The following EIF4G3 variants were observed in gnomAD, a reference collection of about 807,000 sequenced individuals.
EIF4G3 encodes eukaryotic translation initiation factor 4 gamma 3.
A neutral mutation model predicts 186.4 loss-of-function variants in EIF4G3; 34 were observed. The ratio of observed to expected loss-of-function variants is 0.18; its 90% CI spans 0.14 to 0.24. The LOEUF is 0.24. Ranked by LOEUF, EIF4G3 falls within the 10% of genes least tolerant of loss-of-function variation. The pLI is 1.00. For missense variants in EIF4G3, 1,536 were observed against 1,948.5 expected (o/e 0.79, Z 3.99); for synonymous variants, 673 against 679.5 (o/e 0.99, Z 0.15).
chr1:21,099,947 A>G (rs1031940606), intron 2 of EIF4G3, among the ~76,000 whole-genome samples: 1 of 152,210 alleles, frequency 6.6e-6, no homozygotes, highest in Admixed American at 6.5e-5. Context: ...TATATATAAT[A>G]GCAAAAAAGT....
chr1:20,810,418 T>C lies in EIF4G3; in HGVS notation c.4744+320A>G, dbSNP rs2059014258. 6.6e-6 allele frequency among the ~76,000 whole-genome samples: 1 copy of C among 152,148 alleles called. No homozygotes were observed. The highest frequency in any genetic ancestry group is 2.1e-4 in the South Asian group (1 of 4,832). ...ATCCATCTGCCTCGGCCTCCCAAAG[T>C]GCTGGGATTACAGGTGTGAGCCACC... is the stretch of plus-strand genomic sequence containing the variant. On this transcript the variant is annotated intron_variant, in intron 36 of 36. Transcript: ENST00000602326. This position sits in a 1 kb window ranked among gnomAD's most constrained non-coding sequence, Gnocchi z 4.1.
chr1:20,933,048 G>A (rs569629525), intron 14 of EIF4G3, among the ~76,000 whole-genome samples: 3 of 152,240 alleles, frequency 2.0e-5, no homozygotes, highest in Non-Finnish European at 2.9e-5. Context: ...TGTAGCTGAC[G>A]ATGCAGAGGT....
intron 18 of EIF4G3, 100 bp from the exon 19 acceptor site, chr1:20,886,471 T>C: frequency 1.1e-5 from 13 of 1,175,208 alleles, no homozygotes; most frequent in Non-Finnish European, 1.5e-5. Context: ...CAATGCTAGA[T>C]GCAAAGATTG....
chr1:21,015,083 GA>G (rs2088527745), intron 4 of EIF4G3, among the ~76,000 whole-genome samples: 1 of 148,876 alleles, frequency 6.7e-6, no homozygotes, highest in Non-Finnish European at 1.5e-5. Flanking sequence ...AAAAAAAAAG[GA>G]GGGGGGGAAG....
At chr1:20,828,945 C>T (rs1465763780) in intron 31 of EIF4G3, among the ~76,000 whole-genome samples, 1 of 152,144 alleles carries the variant, frequency 6.6e-6, no homozygotes, top group East Asian at 1.9e-4. Context: ...GACCACAGGG[C>T]TATCATATCC....
At chr1:20,935,818 G>A (rs1295028859) in intron 14 of EIF4G3, among the ~76,000 whole-genome samples, 2 of 152,166 alleles carry the variant, frequency 1.3e-5, no homozygotes, top group East Asian at 3.9e-4. Flanking sequence ...TTCCTGTAGA[G>A]GTTTTCTTTA....
chr1:21,165,635 A>C (rs916428578), intron 2 of EIF4G3, among the ~76,000 whole-genome samples: 1 of 152,224 alleles, frequency 6.6e-6, no homozygotes, highest in Non-Finnish European at 1.5e-5. Flanking sequence ...AGATATATAG[A>C]GGCAGAAAAT....
chr1:21,122,914 G>A (rs1373944917), intron 2 of EIF4G3, among the ~76,000 whole-genome samples: 2 of 152,152 alleles, frequency 1.3e-5, no homozygotes, highest in Non-Finnish European at 2.9e-5. Context: ...ACAGAAGCTA[G>A]AGAAAAGTTA....
intron 4 of EIF4G3, among the ~76,000 whole-genome samples, chr1:21,017,416 C>A (rs939713892): frequency 2.0e-5 from 3 of 151,974 alleles, no homozygotes; most frequent in African/African-American, 7.2e-5. Flanking sequence ...ATCACGAGGT[C>A]AAGAGATCGA....
rs1206110411 is a variant in EIF4G3 at position 21,119,066 on chromosome 1, T to C, written c.-271-29853A>G. On this transcript the variant is annotated intron_variant, in intron 2 of 36. Coordinates refer to ENST00000602326, the MANE Select transcript of EIF4G3 (RefSeq NM_001391906.1). Reference sequence around the variant, plus strand: ...AACTCCATGACTGAGATTTTAAGTATGTATATGGCTGACTTTATGAAGAGC... The same window carrying C: ...AACTCCATGACTGAGATTTTAAGTACGTATATGGCTGACTTTATGAAGAGC... Among the ~76,000 whole-genome samples, 4 of 152,210 alleles carry C rather than the reference T, an allele frequency of 2.6e-5. No individual in the cohort carries two copies. The East Asian group carries it at 7.7e-4, about 29-fold the overall frequency.
At chr1:20,860,291 C>G (rs982152864) in intron 24 of EIF4G3, 94 bp downstream of exon 24, 4 of 1,536,832 alleles carry the variant, frequency 2.6e-6, no homozygotes, top group Non-Finnish European at 3.5e-6. Context: ...TTGGGCTGTT[C>G]TTTCTGATCT....
chr1:21,044,865 C>T (rs1224810251), intron 4 of EIF4G3, among the ~76,000 whole-genome samples: 1 of 152,120 alleles, frequency 6.6e-6, no homozygotes, highest in East Asian at 1.9e-4. Context: ...CACCATGGCT[C>T]AAGCCTATAA....
intron 7 of EIF4G3, among the ~76,000 whole-genome samples, chr1:20,985,260 G>A (rs1006181686): frequency 5.9e-5 from 9 of 152,000 alleles, no homozygotes; most frequent in South Asian, 2.1e-4. Context: ...GCTTACTCAC[G>A]AAAACAAATT....
At chr1:21,031,511 A>AATAT (rs1198508170) in intron 4 of EIF4G3, among the ~76,000 whole-genome samples, 1 of 152,168 alleles carries the variant, frequency 6.6e-6, no homozygotes, top group East Asian at 1.9e-4. Context: ...CAAGATATAA[A>AATAT]GAATATAAGA....
intron 6 of EIF4G3, among the ~76,000 whole-genome samples, chr1:21,000,767 A>G (rs2083336897): frequency 6.6e-6 from 1 of 151,956 alleles, no homozygotes; most frequent in African/African-American, 2.4e-5. Flanking sequence ...AATGGTCACT[A>G]GCAGAGCAGA....
chr1:20,919,606 T>C (rs1404102676), intron 14 of EIF4G3, among the ~76,000 whole-genome samples: 1 of 152,178 alleles, frequency 6.6e-6, no homozygotes, highest in Admixed American at 6.5e-5. Flanking sequence ...AAAGAAAATA[T>C]CCATTTTAAC....
chr1:20,863,865 T>C (rs983600977), intron 22 of EIF4G3, among the ~76,000 whole-genome samples: 1 of 152,146 alleles, frequency 6.6e-6, no homozygotes, highest in African/African-American at 2.4e-5. Flanking sequence ...AGTCACAGAA[T>C]GTTAAGCTGA....
intron 10 of EIF4G3, among the ~76,000 whole-genome samples, chr1:20,973,915 G>A (rs1230120249): frequency 6.6e-6 from 1 of 152,210 alleles, no homozygotes; most frequent in African/African-American, 2.4e-5. Context: ...GAGGTGTGGA[G>A]AAGGGGTCAA....
intron 16 of EIF4G3, 36 bp from the exon 17 acceptor site, chr1:20,895,537 G>T (rs1162400388): frequency 6.2e-7 from 1 of 1,605,898 alleles, no homozygotes; most frequent in Admixed American, 1.7e-5. Flanking sequence ...CTGTTTGTAG[G>T]GCATTATATA....
Sources: allele counts gnomAD v4.1 joint callset (sites outside exome capture counted in the v4.1 genomes callset), GRCh38; gene constraint gnomAD v4.1.1; non-coding constraint Gnocchi (gnomAD v3.1); transcripts MANE v1.5; gene names NCBI Gene and HGNC (gene_info 2026-07-23, HGNC 2026-07-21).